The following AKAP6 variants were observed in gnomAD, a reference collection of about 807,000 sequenced individuals.
The protein encoded by AKAP6 is A-kinase anchoring protein 6, also known as A-kinase anchor protein 6.
Under a neutral mutation model 188.5 loss-of-function variants are expected in AKAP6, and 58 were observed. That is an observed-to-expected ratio of 0.31 (90% CI 0.25 to 0.38). The LOEUF (loss-of-function observed/expected upper bound fraction) is 0.38. AKAP6 is among the 10% of genes least tolerant of loss of function. The pLI is 1.00. For missense variants in AKAP6, 2,710 were observed against 2,740.0 expected, an observed-to-expected ratio of 0.99 and a Z score of 0.24; for synonymous variants, 989 against 998.6, an observed-to-expected ratio of 0.99 and a Z score of 0.18.
intron 11 of AKAP6, among the ~76,000 whole-genome samples, chr14:32,765,413 A>C (rs1429166566): frequency 6.6e-6 from 1 of 152,194 alleles, no homozygotes; most frequent in Non-Finnish European, 1.5e-5. Flanking sequence ...GTTTCATAAG[A>C]TGTATATGAT....
chr14:32,775,433 C>CTT (rs112257013), intron 12 of AKAP6, among the ~76,000 whole-genome samples: 3 of 120,608 alleles, frequency 2.5e-5, no homozygotes, highest in African/African-American at 5.6e-5. Flanking sequence ...CATTTTTATC[C>CTT]TTTTTTTTTT....
intron 12 of AKAP6, among the ~76,000 whole-genome samples, chr14:32,812,750 C>T (rs1232028783): frequency 1.3e-5 from 2 of 152,164 alleles, no homozygotes; most frequent in African/African-American, 4.8e-5. Context: ...TCTGTTGCCA[C>T]CTACCTATAA....
chr14:32,517,218 G>A lies in AKAP6; in HGVS notation c.325-18336G>A, dbSNP rs563832441. 2.0e-5 allele frequency among the ~76,000 whole-genome samples: 3 copies of A among 152,286 alleles called. No individual in the cohort carries two copies. In the East Asian group the frequency reaches 5.8e-4, roughly 29 times the overall value. ...TAACTTTCCTTTATGAATTTTACCTGTATGAGCAAATAGTTGATAAAGGGA... is the reference window on the plus strand; with the variant it reads ...TAACTTTCCTTTATGAATTTTACCTATATGAGCAAATAGTTGATAAAGGGA... On this transcript the variant is annotated intron_variant, in intron 2 of 13. Transcript: ENST00000280979.
At chr14:32,827,177 G>A (rs989835305) in intron 13 of AKAP6, among the ~76,000 whole-genome samples, 7 of 152,118 alleles carry the variant, frequency 4.6e-5, no homozygotes, top group African/African-American at 1.7e-4. Context: ...AGTAAAAATT[G>A]TTTGATAAAT....
intron 4 of AKAP6, among the ~76,000 whole-genome samples, chr14:32,575,796 G>T (rs754739232): frequency 1.3e-5 from 2 of 152,138 alleles, no homozygotes; most frequent in African/African-American, 2.4e-5. Context: ...GTACCACTAT[G>T]TGGGATGATA....
chr14:32,510,382 A>ATATATATATATGTATATATATATG (rs1881124924), intron 2 of AKAP6, among the ~76,000 whole-genome samples: 1 of 109,690 alleles, frequency 9.1e-6, no homozygotes, highest in Non-Finnish European at 1.8e-5. Flanking sequence ...ATATATGTGT[A>ATATATATATATGTATATATATATG]TATATATATG....
chr14:32,496,761 AT>A (rs1157280479), intron 2 of AKAP6, among the ~76,000 whole-genome samples: 1 of 152,148 alleles, frequency 6.6e-6, no homozygotes, highest in East Asian at 1.9e-4. Flanking sequence ...AAAAATGGCA[AT>A]TTTGTATGGC....
rs116976659 is a variant in AKAP6, at chr14:32,739,478, C to G, written c.3372+3596C>G. On this transcript the variant is annotated intron_variant, in intron 11 of 13. Transcript: ENST00000280979. ...AAATACTGGGTCTTATTCATTCATT[C>G]TATTTTTTTCTTTGTACCCATTAAC... Among the ~76,000 whole-genome samples the G allele has an allele frequency of 5.8e-3, 888 of 152,090 alleles. 4 individuals are homozygous for G. The highest frequency in any genetic ancestry group is 9.0e-3 in the Non-Finnish European group (614 of 67,906).
chr14:32,516,607 C>G (rs987581854), intron 2 of AKAP6, among the ~76,000 whole-genome samples: 1 of 151,956 alleles, frequency 6.6e-6, no homozygotes, highest in Non-Finnish European at 1.5e-5. Context: ...TGAAATAAAA[C>G]GAAAAGTAAG....
At chr14:32,538,809 T>A (rs893508408) in intron 3 of AKAP6, among the ~76,000 whole-genome samples, 4 of 152,140 alleles carry the variant, frequency 2.6e-5, no homozygotes, top group Non-Finnish European at 4.4e-5. Flanking sequence ...TACTTCTATG[T>A]AACAAACCTG....
chr14:32,536,383 C>T (rs926291887), intron 3 of AKAP6, among the ~76,000 whole-genome samples: 1 of 152,126 alleles, frequency 6.6e-6, no homozygotes, highest in Non-Finnish European at 1.5e-5. Context: ...TTATCAAATA[C>T]CCAGAGATAA....
chr14:32,467,855 C>A (rs1039627614), intron 2 of AKAP6, among the ~76,000 whole-genome samples: 9 of 151,990 alleles, frequency 5.9e-5, no homozygotes, highest in African/African-American at 1.9e-4. Context: ...TTTTCTTTTG[C>A]CATTACATGT....
At chr14:32,482,761 A>G (rs1879419926) in intron 2 of AKAP6, among the ~76,000 whole-genome samples, 1 of 152,198 alleles carries the variant, frequency 6.6e-6, no homozygotes, top group African/African-American at 2.4e-5. Context: ...CAACTCAGAA[A>G]ACGTCCCAAA....
Position 32,510,435 on chromosome 14 carries a change from T to C in AKAP6, c.325-25119T>C, listed in dbSNP as rs1357547438. Among the ~76,000 whole-genome samples the C allele has an allele frequency of 1.1e-4, 5 of 45,124 alleles. No homozygotes were observed. In the South Asian group the frequency reaches 1.4e-3, roughly 13 times the overall value. 29.6% of individuals were successfully genotyped at this position (45,124 alleles called of 152,430 possible). On this transcript the variant is annotated intron_variant, in intron 2 of 13. Coordinates refer to ENST00000280979, the MANE Select transcript of AKAP6 (RefSeq NM_004274.5). Reference sequence around the variant, plus strand: ...ATATGTATATATATACATATATATATGTGTATATATATATACATATATATG... The same window carrying C: ...ATATGTATATATATACATATATATACGTGTATATATATATACATATATATG...
chr14:32,786,297 T>TGTTTTTTTTTTTTTTTG (rs1566710091), intron 12 of AKAP6, among the ~76,000 whole-genome samples: 1 of 83,380 alleles, frequency 1.2e-5, no homozygotes, highest in Non-Finnish European at 2.3e-5. Context: ...TAAACCTTTA[T>TGTTTTTTTTTTTTTTTG]CTTTTTTTTT....
chr14:32,365,487 C>T lies in AKAP6; in HGVS notation c.-35+36079C>T, dbSNP rs994340027. Among the ~76,000 whole-genome samples the T allele has an allele frequency of 2.6e-5, 4 of 152,092 alleles. No individual in the cohort carries two copies. In the East Asian group the frequency reaches 7.7e-4, roughly 29 times the overall value. ...CCATATAATGTGTGCTTTGGGTGGT[C>T]ATTTAATCCTCTTGATTACTGATCC... is the stretch of plus-strand genomic sequence containing the variant. On this transcript the variant is annotated intron_variant, in intron 1 of 13. Transcript: ENST00000280979.
chr14:32,673,875 A>G (rs1364849994), intron 7 of AKAP6, among the ~76,000 whole-genome samples: 2 of 152,218 alleles, frequency 1.3e-5, no homozygotes, highest in African/African-American at 4.8e-5. Flanking sequence ...ACAATCCTTT[A>G]TGGAGTTTGG....
chr14:32,558,274 A>T (rs1158836532), intron 4 of AKAP6, among the ~76,000 whole-genome samples: 2 of 151,882 alleles, frequency 1.3e-5, no homozygotes, highest in African/African-American at 2.4e-5. Context: ...AATTTTTATG[A>T]TGCACAATCT....
At chr14:32,495,852 A>G (rs750040886) in intron 2 of AKAP6, among the ~76,000 whole-genome samples, 23 of 152,192 alleles carry the variant, frequency 1.5e-4, no homozygotes, top group Non-Finnish European at 2.5e-4. Flanking sequence ...TTTGAAGAGT[A>G]AGATGAAAAT....
Sources: allele counts gnomAD v4.1 joint callset (sites outside exome capture counted in the v4.1 genomes callset), GRCh38; gene constraint gnomAD v4.1.1; transcripts MANE v1.5; gene names NCBI Gene and HGNC (gene_info 2026-07-23, HGNC 2026-07-21).